The following PTGIS variants were observed in gnomAD, a reference collection of about 807,000 sequenced individuals.
PTGIS encodes the protein prostaglandin I2 synthase, also known as prostacyclin synthase.
Under a neutral mutation model 50.3 loss-of-function variants are expected in PTGIS, and 45 were observed. That is an observed-to-expected ratio of 0.90 (90% CI 0.70 to 1.15). The LOEUF is 1.15. PTGIS is among the 50% of genes most tolerant of loss of function. The pLI, the probability that PTGIS is intolerant of heterozygous loss-of-function variation, is 0.00. For missense variants in PTGIS, 668 were observed against 661.3 expected (o/e 1.01, Z -0.11); for synonymous variants, 260 against 267.7 (o/e 0.97, Z 0.28).
intron 5 of PTGIS, among the ~76,000 whole-genome samples, chr20:49,533,795 A>T (rs1981995864): frequency 6.6e-6 from 1 of 152,018 alleles, no homozygotes; most frequent in African/African-American, 2.4e-5. Flanking sequence ...CAGCTCTACT[A>T]AAAAAGTACA....
At chr20:49,521,082 T>C (rs1444943503) in intron 6 of PTGIS, among the ~76,000 whole-genome samples, 1 of 152,206 alleles carries the variant, frequency 6.6e-6, no homozygotes, top group Non-Finnish European at 1.5e-5. Flanking sequence ...CCATGGTAGG[T>C]GCTCTAAATA....
At chr20:49,539,539 C>A in intron 5 of PTGIS, 31 bp downstream of exon 5, 1 of 1,608,772 alleles carries the variant, frequency 6.2e-7, no homozygotes, top group Non-Finnish European at 8.5e-7. Context: ...CCATCCTCCC[C>A]CCCACCCACT....
In PTGIS at chr20:49,540,844, C is replaced by T. The variant is rs1201309812; in HGVS notation, c.522-1123G>A. Among the ~76,000 whole-genome samples, 1 of 152,208 alleles carries T rather than the reference C, an allele frequency of 6.6e-6. No individual in the cohort carries two copies. Among genetic ancestry groups the T allele is most frequent in the Admixed American group, 6.5e-5 (1 of 15,292 alleles). ...AGCAGAGAGTCACAACAAAGAGACGCAACCAAAGCCCCGGGGCCTCACCCT... is the reference window on the plus strand; with the variant it reads ...AGCAGAGAGTCACAACAAAGAGACGTAACCAAAGCCCCGGGGCCTCACCCT... On this transcript the variant is annotated intron_variant, in intron 4 of 9. Transcript: ENST00000244043. The surrounding 1 kb of genome is among the most constrained non-coding windows in gnomAD (Gnocchi z 4.8).
At chr20:49,511,601 C>A (rs146551640) in intron 8 of PTGIS, among the ~76,000 whole-genome samples, 382 of 152,188 alleles carry the variant, frequency 2.5e-3, no homozygotes, top group Admixed American at 5.2e-3. Context: ...CTCTGTATTT[C>A]TTTATATTCT....
At chr20:49,524,262 G>C (rs775326339) in intron 5 of PTGIS, 23 bp from the exon 6 acceptor site, 1 of 1,612,546 alleles carries the variant, frequency 6.2e-7, no homozygotes, top group Admixed American at 1.7e-5. Context: ...AGCACAGAGA[G>C]TAGGGGTTAC....
intron 6 of PTGIS, among the ~76,000 whole-genome samples, chr20:49,521,207 T>A (rs978684940): frequency 6.6e-6 from 1 of 152,176 alleles, no homozygotes; most frequent in African/African-American, 2.4e-5. Flanking sequence ...GGTGCTACCA[T>A]CTCCATTTTA....
chr20:49,565,497 C>T (rs188722799), intron 1 of PTGIS, among the ~76,000 whole-genome samples: 10 of 152,186 alleles, frequency 6.6e-5, no homozygotes, highest in Admixed American at 6.5e-4. Context: ...AAGATGCCAT[C>T]TCTACAAAAT....
intron 5 of PTGIS, 28 bp from the exon 6 acceptor site, chr20:49,524,267 G>T: frequency 2.5e-6 from 4 of 1,610,786 alleles, no homozygotes; most frequent in Middle Eastern, 1.7e-4. Context: ...AGAGAGTAGG[G>T]GTTACAGATT....
chr20:49,540,121 T>C lies in PTGIS; in HGVS notation c.522-400A>G, dbSNP rs1429877462. Among the ~76,000 whole-genome samples the C allele has an allele frequency of 4.7e-5, 7 of 149,178 alleles. No individual in the cohort carries two copies. Among genetic ancestry groups the C allele is most frequent in the African/African-American group, 1.7e-4 (7 of 40,306 alleles). ...GCCATGGGCAGAGCAGAGGGAGGGG[T>C]AGGAAGCAGAGCAAGCACCAGGTGT... On this transcript the variant is annotated intron_variant, in intron 4 of 9. Transcript: ENST00000244043. This position sits in a 1 kb window ranked among gnomAD's most constrained non-coding sequence, Gnocchi z 4.8.
rs1012740070 is a variant in PTGIS, at chr20:49,540,707, C to T, written c.522-986G>A. 1.3e-5 allele frequency among the ~76,000 whole-genome samples: 2 copies of T among 152,166 alleles called. No homozygotes were observed. Among genetic ancestry groups the T allele is most frequent in the South Asian group, 2.1e-4 (1 of 4,832 alleles). On this transcript the variant is annotated intron_variant, in intron 4 of 9. Coordinates refer to ENST00000244043, the MANE Select transcript of PTGIS (RefSeq NM_000961.4). The surrounding 1 kb of genome is among the most constrained non-coding windows in gnomAD (Gnocchi z 4.8). ...CACACAGGACCACGCTCAGAGGACG[C>T]GCCTTCACCTCCAGCCCCCTTTAAA...
At chr20:49,547,353 G>T (rs1178645736) in intron 3 of PTGIS, among the ~76,000 whole-genome samples, 1 of 152,210 alleles carries the variant, frequency 6.6e-6, no homozygotes, top group African/African-American at 2.4e-5. Flanking sequence ...ATGAAATGGG[G>T]CTGTAAGTTA....
intron 1 of PTGIS, among the ~76,000 whole-genome samples, chr20:49,554,125 C>A (rs948899308): frequency 1.3e-5 from 2 of 152,054 alleles, no homozygotes; most frequent in African/African-American, 2.4e-5. Context: ...AAAAGTTCAA[C>A]TTTTATTGCA....
intron 7 of PTGIS, 92 bp downstream of exon 7, chr20:49,514,135 C>T (rs1981404060): frequency 6.7e-7 from 1 of 1,501,558 alleles, no homozygotes; most frequent in South Asian, 1.1e-5. Flanking sequence ...CACTGATGGA[C>T]CCTGGAAGAC....
intron 1 of PTGIS, 24 bp from the exon 2 acceptor site, chr20:49,550,213 A>G (rs779738024): frequency 6.8e-6 from 11 of 1,609,836 alleles, no homozygotes; most frequent in Admixed American, 1.7e-5. Flanking sequence ...GGCACTTGTC[A>G]CCATTTGATA....
chr20:49,567,943 C>A, intron 1 of PTGIS, 100 bp downstream of exon 1: 1 of 1,186,354 alleles, frequency 8.4e-7, no homozygotes, highest in Non-Finnish European at 1.1e-6. Flanking sequence ...TGGAGCGGGA[C>A]TCGGGCCGGG....
chr20:49,520,336 C>CTTTTTT (rs57853650), intron 6 of PTGIS, among the ~76,000 whole-genome samples: 1 of 146,302 alleles, frequency 6.8e-6, no homozygotes. Context: ...CCCTCTAATA[C>CTTTTTT]TTTTTTTTTT....
intron 8 of PTGIS, 132 bp from the exon 9 acceptor site, chr20:49,511,311 A>G: frequency 9.8e-7 from 1 of 1,022,014 alleles, no homozygotes; most frequent in South Asian, 1.4e-5. Context: ...AGGTCAATTG[A>G]TAGGGGATTG....
In PTGIS at chr20:49,508,045, C is replaced by T. The variant is rs145551841; in HGVS notation, c.1378G>A (p.Val460Met). Residue 460 changes from valine to methionine, a missense_variant, in exon 10 of 10, where the codon GTG becomes ATG. Val to Met is a conservative substitution (Grantham distance 21). Transcript: ENST00000244043. ...TTGATCAGCTCCAAGTCCAAGTGCA[C>T]CAGCACAAGGAACACAAATCTGCAG... ...SIKQFVFLVL[V>M]HLDLELINAD... is the part of the protein sequence containing the mutation. 499 of 1,613,856 alleles carry T rather than the reference C, an allele frequency of 3.1e-4. 3 individuals are homozygous for T. The African/African-American group carries it at 6.2e-3, about 20-fold the overall frequency.
Position 49,538,256 on chromosome 20 carries a change from GAAAAAAAAAAAAAAA to G in PTGIS, c.673+1299_673+1313del, listed in dbSNP as rs58986753. Among the ~76,000 whole-genome samples the G allele has an allele frequency of 1.4e-3, 41 of 30,294 alleles. 1 individual carries two copies. In the South Asian group the frequency reaches 0.018, roughly 13 times the overall value. The allele number at this position is 30,294 out of a possible 152,430, so 19.9% of individuals were successfully genotyped here. On this transcript the variant is annotated intron_variant, in intron 5 of 9. Coordinates refer to ENST00000244043, the MANE Select transcript of PTGIS (RefSeq NM_000961.4). Reference sequence around the variant, plus strand: ...GGTGACAGAGTGAGACCCTGGTTCAGAAAAAAAAAAAAAAAAAAAAAAAAAAAAAAGGCATGCTGG... The same window carrying G: ...GGTGACAGAGTGAGACCCTGGTTCAGAAAAAAAAAAAAAAAGGCATGCTGG...
Sources: gnomAD v4.1 joint callset for allele counts (sites outside exome capture counted in the v4.1 genomes callset) on GRCh38, gnomAD v4.1.1 for gene constraint, Gnocchi (gnomAD v3.1) non-coding constraint, MANE v1.5 for transcripts, NCBI Gene and HGNC (gene_info 2026-07-23, HGNC 2026-07-21) for gene names.